The following HCN1 variants were observed in gnomAD, a reference collection of about 807,000 sequenced individuals.
HCN1 encodes the protein hyperpolarization activated cyclic nucleotide gated potassium channel 1, also known as potassium/sodium hyperpolarization-activated cyclic nucleotide-gated channel 1.
Under a neutral mutation model 78.9 loss-of-function variants are expected in HCN1, and 13 were observed. The ratio of observed to expected loss-of-function variants is 0.16; its 90% CI spans 0.11 to 0.26. The LOEUF is 0.26. HCN1 is among the 10% of genes least tolerant of loss of function. The probability of loss-of-function intolerance (pLI) is 1.00; values close to 1 mark genes in which losing one functional copy is unlikely to be tolerated. For synonymous variants in HCN1, 552 were observed against 455.5 expected, an observed-to-expected ratio of 1.21 and a Z score of -2.70; for missense variants, 810 against 1,154.3, an observed-to-expected ratio of 0.70 and a Z score of 4.32.
intron 2 of HCN1, among the ~76,000 whole-genome samples, chr5:45,585,056 C>T (rs1744181430): frequency 6.6e-6 from 1 of 152,132 alleles, no homozygotes; most frequent in Admixed American, 6.5e-5. Context: ...TCTGTGTTTC[C>T]TGAATTTGAA....
intron 4 of HCN1, among the ~76,000 whole-genome samples, chr5:45,370,200 T>A (rs1481023846): frequency 6.6e-6 from 1 of 152,016 alleles, no homozygotes; most frequent in Non-Finnish European, 1.5e-5. Context: ...CATAACTTTA[T>A]ATAAAACTAC....
At chr5:45,390,438 T>A (rs1739524490) in intron 4 of HCN1, among the ~76,000 whole-genome samples, 1 of 152,082 alleles carries the variant, frequency 6.6e-6, no homozygotes, top group African/African-American at 2.4e-5. Flanking sequence ...ATCAATTAAT[T>A]AAATGGAAAA....
rs967843420 is a variant in HCN1 at position 45,258,841 on chromosome 5, G to T, written c.*3080C>A. 1 of 151,546 alleles carries T rather than the reference G, an allele frequency of 6.6e-6. No individual in the cohort carries two copies. The highest frequency in any genetic ancestry group is 2.4e-5 in the African/African-American group (1 of 41,292). 9.4% of individuals were successfully genotyped at this position (151,546 alleles called of 1,614,324 possible). A position where few individuals can be genotyped will look rare whatever the true frequency, so the allele number is the denominator to read the frequency against. On this transcript the variant is annotated 3_prime_UTR_variant, in exon 8 of 8. Coordinates refer to ENST00000303230, the MANE Select transcript of HCN1 (RefSeq NM_021072.4). ...GTTATAAAACTATTATAACAAAATA[G>T]GTATGTCATAGAACTATTATAACAA... is the stretch of plus-strand genomic sequence containing the variant.
intron 2 of HCN1, among the ~76,000 whole-genome samples, chr5:45,625,941 C>T (rs900676552): frequency 6.6e-6 from 1 of 152,114 alleles, no homozygotes; most frequent in Admixed American, 6.5e-5. Flanking sequence ...TGGGATGATA[C>T]AGGCAAAACT....
chr5:45,346,289 T>C (rs1430591989), intron 5 of HCN1, among the ~76,000 whole-genome samples: 1 of 152,186 alleles, frequency 6.6e-6, no homozygotes, highest in African/African-American at 2.4e-5. Flanking sequence ...GACCAAACCA[T>C]AATTCATTGA....
At chr5:45,665,386 C>A (rs1169715403) in intron 1 of HCN1, among the ~76,000 whole-genome samples, 1 of 151,398 alleles carries the variant, frequency 6.6e-6, no homozygotes, top group Non-Finnish European at 1.5e-5. Context: ...CAGCATGGCA[C>A]ATGTATACAT....
intron 4 of HCN1, among the ~76,000 whole-genome samples, chr5:45,371,990 T>G (rs184688970): frequency 0.28 from 477 of 1,728 alleles, 11 homozygotes; most frequent in African/African-American, 0.4. Flanking sequence ...TTATATATAA[T>G]GTAATATATA....
chr5:45,381,064 G>C (rs560241706), intron 4 of HCN1, among the ~76,000 whole-genome samples: 5 of 152,188 alleles, frequency 3.3e-5, no homozygotes, highest in African/African-American at 9.6e-5. Context: ...AACAAAACTA[G>C]ATTTCCTGTT....
chr5:45,291,667 A>C (rs1745379573), intron 6 of HCN1, among the ~76,000 whole-genome samples: 2 of 151,898 alleles, frequency 1.3e-5, no homozygotes, highest in African/African-American at 4.8e-5. Flanking sequence ...AGGCCCCCCA[A>C]GTAGTTGTAT....
chr5:45,269,590 A>C (rs184108319), intron 6 of HCN1, among the ~76,000 whole-genome samples: 3 of 152,160 alleles, frequency 2.0e-5, no homozygotes, highest in African/African-American at 7.2e-5. Flanking sequence ...GCTTGTCCTC[A>C]TATTTCTCTA....
At chr5:45,525,328 T>C (rs1214912403) in intron 2 of HCN1, among the ~76,000 whole-genome samples, 2 of 151,962 alleles carry the variant, frequency 1.3e-5, no homozygotes, top group African/African-American at 2.4e-5. Flanking sequence ...ATACAAAGTA[T>C]TATAGTTTCT....
At position 45,527,592 on chromosome 5, in the gene HCN1, TTC is replaced by T. The variant is rs369936097; in HGVS notation, c.850-65587_850-65586del. Reference sequence around the variant, plus strand: ...CTCTGTCTCTCTCCCATCATTCTCATTCTCTCTCTCTTTTCTCTCTCTTTCTC... The same window carrying T: ...CTCTGTCTCTCTCCCATCATTCTCATTCTCTCTCTTTTCTCTCTCTTTCTC... On this transcript the variant is annotated intron_variant, in intron 2 of 7. Coordinates refer to ENST00000303230, the MANE Select transcript of HCN1 (RefSeq NM_021072.4). Among the ~76,000 whole-genome samples, 267 of 151,072 alleles carry T rather than the reference TTC, an allele frequency of 1.8e-3. 1 individual carries two copies. The highest frequency in any genetic ancestry group is 6.2e-3 in the African/African-American group (254 of 41,194).
At chr5:45,384,817 T>G (rs929731924) in intron 4 of HCN1, among the ~76,000 whole-genome samples, 2 of 152,184 alleles carry the variant, frequency 1.3e-5, no homozygotes, top group Non-Finnish European at 2.9e-5. Flanking sequence ...ATAAGAATGC[T>G]GCTTTGTATC....
chr5:45,406,469 T>C (rs374788323), intron 3 of HCN1, among the ~76,000 whole-genome samples: 3 of 152,162 alleles, frequency 2.0e-5, no homozygotes, highest in South Asian at 2.1e-4. Context: ...TTATTATGGA[T>C]TGGAAATGCA....
chr5:45,664,073 G>A (rs1286593957), intron 1 of HCN1, among the ~76,000 whole-genome samples: 53 of 123,832 alleles, frequency 4.3e-4, no homozygotes, highest in African/African-American at 1.5e-3. Context: ...GTCCAACAAT[G>A]ATAGACTGGA....
intron 2 of HCN1, among the ~76,000 whole-genome samples, chr5:45,596,252 TA>T (rs1744493085): frequency 6.6e-6 from 1 of 152,150 alleles, no homozygotes; most frequent in South Asian, 2.1e-4. Flanking sequence ...AACCTAACTG[TA>T]AGTTGAGAAG....
chr5:45,581,937 T>A (rs1200191148), intron 2 of HCN1, among the ~76,000 whole-genome samples: 1 of 152,196 alleles, frequency 6.6e-6, no homozygotes, highest in Non-Finnish European at 1.5e-5. Flanking sequence ...TGTAGTACAG[T>A]TTGAAGTCAG....
At chr5:45,365,536 G>T (rs1747217208) in intron 4 of HCN1, among the ~76,000 whole-genome samples, 1 of 151,874 alleles carries the variant, frequency 6.6e-6, no homozygotes, top group African/African-American at 2.4e-5. Context: ...TATTTTTTAT[G>T]GCTGTGTAGT....
intron 2 of HCN1, among the ~76,000 whole-genome samples, chr5:45,472,819 C>A (rs575873819): frequency 3.2e-4 from 48 of 152,054 alleles, no homozygotes; most frequent in African/African-American, 1.1e-3. Flanking sequence ...AATACCCATT[C>A]ATTCCAGAAT....
Sources: allele counts gnomAD v4.1 joint callset (sites outside exome capture counted in the v4.1 genomes callset), GRCh38; gene constraint gnomAD v4.1.1; transcripts MANE v1.5; gene names NCBI Gene and HGNC (gene_info 2026-07-23, HGNC 2026-07-21).